Variants in SCAPER observed in about 807,000 individuals in gnomAD.
SCAPER encodes the protein S-phase cyclin A associated protein in the ER, also known as S phase cyclin A-associated protein in the endoplasmic reticulum.
Under a neutral mutation model 182.2 loss-of-function variants are expected in SCAPER, and 98 were observed. That is an observed-to-expected ratio of 0.54 (90% CI 0.46 to 0.64). The LOEUF (loss-of-function observed/expected upper bound fraction) is 0.64. SCAPER is among the 30% of genes least tolerant of loss of function. The pLI is 0.00. For missense variants in SCAPER, 1,432 were observed against 1,690.0 expected, an observed-to-expected ratio of 0.85 and a Z score of 2.68; for synonymous variants, 605 against 564.6, an observed-to-expected ratio of 1.07 and a Z score of -1.01.
chr15:76,500,268 G>A (rs2040981575), intron 24 of SCAPER, among the ~76,000 whole-genome samples: 1 of 152,222 alleles, frequency 6.6e-6, no homozygotes, highest in Admixed American at 6.5e-5. Flanking sequence ...ACGATGAAGA[G>A]ATAAGCAAGG....
intron 17 of SCAPER, among the ~76,000 whole-genome samples, chr15:76,708,375 T>C (rs2059379110): frequency 6.6e-6 from 1 of 151,756 alleles, no homozygotes; most frequent in Non-Finnish European, 1.5e-5. Flanking sequence ...AAATACAGTA[T>C]ATCAAAATTG....
intron 23 of SCAPER, among the ~76,000 whole-genome samples, chr15:76,529,262 TCTC>T (rs1328171421): frequency 6.6e-6 from 1 of 152,138 alleles, no homozygotes; most frequent in African/African-American, 2.4e-5. Context: ...CCCAGGGTGA[TCTC>T]CAATTTCTGG....
chr15:76,465,786 G>A (rs2049562061), intron 25 of SCAPER, among the ~76,000 whole-genome samples: 1 of 152,144 alleles, frequency 6.6e-6, no homozygotes, highest in South Asian at 2.1e-4. Flanking sequence ...TCTTTTGCAT[G>A]TGGATATCCA....
At chr15:76,545,076 T>A (rs1466164726) in intron 23 of SCAPER, among the ~76,000 whole-genome samples, 4 of 152,180 alleles carry the variant, frequency 2.6e-5, no homozygotes, top group Admixed American at 2.0e-4. Flanking sequence ...GAATAACAAC[T>A]TAGTACCCTA....
intron 28 of SCAPER, among the ~76,000 whole-genome samples, chr15:76,378,593 A>G (rs910643950): frequency 5.9e-5 from 9 of 152,328 alleles, no homozygotes; most frequent in African/African-American, 1.9e-4. Flanking sequence ...GTGTCTATGT[A>G]GACAGATGTG....
chr15:76,428,895 A>ATATATATAT (rs1432164273), intron 26 of SCAPER, among the ~76,000 whole-genome samples: 1 of 44,872 alleles, frequency 2.2e-5, no homozygotes, highest in Non-Finnish European at 4.6e-5. Context: ...TATATATATA[A>ATATATATAT]ACATCAAAAT....
At chr15:76,830,732 A>T (rs921516686) in intron 5 of SCAPER, among the ~76,000 whole-genome samples, 1 of 152,098 alleles carries the variant, frequency 6.6e-6, no homozygotes, top group African/African-American at 2.4e-5. Context: ...GTTGTGAGAC[A>T]GAAGAGCCAA....
intron 29 of SCAPER, among the ~76,000 whole-genome samples, chr15:76,371,244 C>T (rs528700153): frequency 6.6e-6 from 1 of 151,820 alleles, no homozygotes; most frequent in Admixed American, 6.6e-5. Flanking sequence ...GTTCAAGAGA[C>T]AAGAGATGGC....
At chr15:76,644,706 A>G (rs1443922627) in intron 21 of SCAPER, among the ~76,000 whole-genome samples, 1 of 152,122 alleles carries the variant, frequency 6.6e-6, no homozygotes, top group Non-Finnish European at 1.5e-5. Context: ...TAGGCATCTG[A>G]GCACAGTCCT....
chr15:76,651,902 A>C (rs2055083353), intron 21 of SCAPER, among the ~76,000 whole-genome samples: 1 of 151,846 alleles, frequency 6.6e-6, no homozygotes, highest in African/African-American at 2.4e-5. Context: ...AAAATCCAGC[A>C]GCACATTAAA....
At chr15:76,653,445 A>T (rs1364737381) in intron 21 of SCAPER, among the ~76,000 whole-genome samples, 1 of 152,206 alleles carries the variant, frequency 6.6e-6, no homozygotes, top group African/African-American at 2.4e-5. Context: ...GGAGAATCAC[A>T]CTACCCAACT....
intron 22 of SCAPER, among the ~76,000 whole-genome samples, chr15:76,619,053 C>G (rs919066897): frequency 1.3e-5 from 2 of 152,226 alleles, no homozygotes; most frequent in Non-Finnish European, 2.9e-5. Flanking sequence ...CCATGATGGT[C>G]AGGCTGGTCT....
At position 76,494,308 on chromosome 15, in the gene SCAPER, G is replaced by T. The variant is rs145089001; in HGVS notation, c.2954+10551C>A. ...TTGCTGGATCTTACGTGAACATTTC[G>T]TCTCACACATACAAACAGCTACATG... On this transcript the variant is annotated intron_variant, in intron 24 of 31. Transcript: ENST00000563290. Among the ~76,000 whole-genome samples the T allele has an allele frequency of 3.3e-3, 495 of 152,192 alleles. 2 individuals are homozygous for T. The highest frequency in any genetic ancestry group is 0.011 in the African/African-American group (470 of 41,522).
intron 31 of SCAPER, chr15:76,350,206 T>C (rs1198787545): frequency 6.6e-6 from 1 of 152,228 alleles, no homozygotes; most frequent in Admixed American, 6.5e-5. Context: ...CCGACAAGGA[T>C]GTGGACTTGA....
intron 20 of SCAPER, among the ~76,000 whole-genome samples, chr15:76,670,251 C>T (rs1598055088): frequency 6.6e-6 from 1 of 151,924 alleles, no homozygotes; most frequent in South Asian, 2.1e-4. Flanking sequence ...TTCTTCCAGA[C>T]ATTGTTCTTT....
intron 26 of SCAPER, among the ~76,000 whole-genome samples, chr15:76,425,299 G>T (rs2046345064): frequency 6.6e-6 from 1 of 152,130 alleles, no homozygotes; most frequent in Non-Finnish European, 1.5e-5. Context: ...ATATTTCTGG[G>T]AGGCTTTGTT....
intron 8 of SCAPER, among the ~76,000 whole-genome samples, chr15:76,780,775 A>C (rs1312862565): frequency 6.6e-6 from 1 of 152,226 alleles, no homozygotes; most frequent in African/African-American, 2.4e-5. Flanking sequence ...AAACTCCAAC[A>C]GACCTGCAGC....
Position 76,354,096 on chromosome 15 carries a change from G to C in SCAPER, c.3900C>G (p.Leu1300=), listed in dbSNP as rs1326528624. The change falls in exon 30 of 32, where the codon CTC becomes CTG. Residue 1300 remains leucine, a synonymous_variant. Transcript: ENST00000563290. The surrounding 1 kb of genome is among the most constrained non-coding windows in gnomAD (Gnocchi z 4.4). ...SGRHPTVLQK[L]CQLPFQYFSD... ...TGAAATACTGGAAGGGCAACTGGCAGAGCTTCTGCAGCACTGTGGGGTGGC... is the reference window on the plus strand; with the variant it reads ...TGAAATACTGGAAGGGCAACTGGCACAGCTTCTGCAGCACTGTGGGGTGGC... 1 of 1,610,894 alleles carries C rather than the reference G, an allele frequency of 6.2e-7. No individual in the cohort carries two copies. Among genetic ancestry groups the C allele is most frequent in the Non-Finnish European group, 8.5e-7 (1 of 1,178,934 alleles).
At chr15:76,626,288 A>C (rs1466750342) in intron 21 of SCAPER, among the ~76,000 whole-genome samples, 2 of 152,198 alleles carry the variant, frequency 1.3e-5, no homozygotes, top group Non-Finnish European at 2.9e-5. Context: ...TTAGCATTCA[A>C]TTAAATATTT....
Sources: allele counts gnomAD v4.1 joint callset (sites outside exome capture counted in the v4.1 genomes callset), GRCh38; gene constraint gnomAD v4.1.1; non-coding constraint Gnocchi (gnomAD v3.1); transcripts MANE v1.5; gene names NCBI Gene and HGNC (gene_info 2026-07-23, HGNC 2026-07-21).